The following INSIG1 variants were observed in gnomAD, a reference collection of about 807,000 sequenced individuals.
INSIG1 encodes insulin induced gene 1.
INSIG1 carries 14 observed loss-of-function variants against 26.5 expected under a neutral mutation model. The ratio of observed to expected loss-of-function variants is 0.53; its 90% confidence interval spans 0.35 to 0.83. The LOEUF (loss-of-function observed/expected upper bound fraction) is 0.83, where lower values mean the gene tolerates loss of function less well. Ranked by LOEUF, INSIG1 falls within the 40% of genes least tolerant of loss-of-function variation. The pLI is 0.01. For synonymous variants in INSIG1, 147 were observed against 153.3 expected, an observed-to-expected ratio of 0.96 and a Z score of 0.30; for missense variants, 272 against 368.9, an observed-to-expected ratio of 0.74 and a Z score of 2.15.
intron 2 of INSIG1, among the ~76,000 whole-genome samples, chr7:155,299,042 C>T (rs1797714667): frequency 1.3e-5 from 2 of 152,232 alleles, no homozygotes; most frequent in Non-Finnish European, 2.9e-5. Context: ...CCAGCCGCCC[C>T]GGATTGGCCG....
Position 155,302,992 on chromosome 7 carries a change from A to T in INSIG1, c.804+146A>T. ...CTGAGAAAAGCTTATATTTAAAAAA[A>T]TAGGTAATGATACCCAGGTAATTCT... On this transcript the variant is annotated intron_variant, in intron 5 of 5. Coordinates refer to ENST00000340368, the MANE Select transcript of INSIG1 (RefSeq NM_005542.6). This position sits in a 1 kb window ranked among gnomAD's most constrained non-coding sequence, Gnocchi z 4.3. 1 of 532,998 alleles carries T rather than the reference A, an allele frequency of 1.9e-6. No individual in the cohort carries two copies. Among genetic ancestry groups the T allele is most frequent in the Non-Finnish European group, 3.4e-6 (1 of 294,978 alleles). The allele number at this position is 532,998 out of a possible 1,614,324, so 33.0% of individuals were successfully genotyped here.
rs1797700263 is a variant in INSIG1, at chr7:155,298,647, C to G, written c.362C>G (p.Thr121Ser). 6.2e-7 allele frequency: 1 copy of G among 1,613,022 alleles called. No individual in the cohort carries two copies. The highest frequency in any genetic ancestry group is 8.5e-7 in the Non-Finnish European group (1 of 1,179,992). Residue 121 changes from threonine (T) to serine (S), a missense_variant, in exon 2 of 6, where the codon ACC becomes AGC. By Grantham distance (58) the Thr-to-Ser change is moderately conservative. This residue lies in a region of INSIG1 where 161 missense variants were observed against 179.2 expected (regional missense o/e 0.90). Transcript: ENST00000340368. ...CTCTTCCCCGAGGAGGTGATCGCCA[C>G]CATCTTTTCCTCCGCCTGGTGGGTC... ...VTLFPEEVIA[T>S]IFSSAWWVPP...
rs556072587 is a variant in INSIG1 at position 155,309,082 on chromosome 7, T to C, written c.*812T>C. The C allele has an allele frequency of 1.4e-4, 21 of 152,690 alleles. No homozygotes were observed. The highest frequency in any genetic ancestry group is 4.6e-4 in the African/African-American group (19 of 41,580). 9.5% of individuals were successfully genotyped at this position (152,690 alleles called of 1,614,324 possible). A position where few individuals can be genotyped will look rare whatever the true frequency, so the allele number is the denominator to read the frequency against. ...TATTTCAATCTTAGTGAGCCAAAAT[T>C]GTTTGTTTGTTACTACAGAATAGAG... On this transcript the variant is annotated 3_prime_UTR_variant, in exon 6 of 6. Coordinates refer to ENST00000340368, the MANE Select transcript of INSIG1 (RefSeq NM_005542.6).
At chr7:155,306,797 T>C (rs1322009172) in intron 5 of INSIG1, among the ~76,000 whole-genome samples, 2 of 150,156 alleles carry the variant, frequency 1.3e-5, no homozygotes, top group Non-Finnish European at 3.0e-5. Flanking sequence ...ACACTGCCCT[T>C]TCAACACATA....
At chr7:155,300,421 T>C (rs1797752439) in intron 2 of INSIG1, among the ~76,000 whole-genome samples, 1 of 150,646 alleles carries the variant, frequency 6.6e-6, no homozygotes, top group Non-Finnish European at 1.5e-5. Context: ...TGAAGTATAA[T>C]AAATTGAAAA....
intron 5 of INSIG1, chr7:155,303,959 G>T: frequency 2.0e-4 from 131 of 665,918 alleles, no homozygotes; most frequent in Non-Finnish European, 2.7e-4. Context: ...TGATGGAGAA[G>T]AAAGGACTTT....
At chr7:155,298,193 G>A in intron 1 of INSIG1, 66 bp from the exon 2 acceptor site, 1 of 1,290,690 alleles carries the variant, frequency 7.7e-7, no homozygotes, top group Non-Finnish European at 1.0e-6. Context: ...GCCGGGGTTC[G>A]CGTCCCGCGG....
intron 2 of INSIG1, among the ~76,000 whole-genome samples, chr7:155,300,857 G>C (rs1228974295): frequency 6.6e-6 from 1 of 152,192 alleles, no homozygotes; most frequent in Non-Finnish European, 1.5e-5. Context: ...TCTCTTCTTG[G>C]TCTGGTGTTC....
chr7:155,299,010 C>T (rs1797713368), intron 2 of INSIG1, among the ~76,000 whole-genome samples: 1 of 152,244 alleles, frequency 6.6e-6, no homozygotes, highest in African/African-American at 2.4e-5. Context: ...CGTCCGGGTA[C>T]AGCCCCAGCT....
At chr7:155,306,053 A>C (rs1258803464) in intron 5 of INSIG1, among the ~76,000 whole-genome samples, 1 of 152,190 alleles carries the variant, frequency 6.6e-6, no homozygotes, top group Non-Finnish European at 1.5e-5. Flanking sequence ...ACTAAAGTGC[A>C]GTGGCACAAT....
chr7:155,307,126 A>C (rs1403398726), intron 5 of INSIG1, among the ~76,000 whole-genome samples: 1 of 152,212 alleles, frequency 6.6e-6, no homozygotes, highest in South Asian at 2.1e-4. Flanking sequence ...CGCAGTTTGT[A>C]TAGAACCCTC....
At chr7:155,301,529 C>G in intron 2 of INSIG1, 37 bp from the exon 3 acceptor site, 1 of 1,567,972 alleles carries the variant, frequency 6.4e-7, no homozygotes, top group Non-Finnish European at 8.7e-7. Context: ...GAACTTGAAT[C>G]TGCTGTATTC....
chr7:155,303,459 C>T (rs1408279922), intron 5 of INSIG1, among the ~76,000 whole-genome samples: 1 of 152,194 alleles, frequency 6.6e-6, no homozygotes, highest in Non-Finnish European at 1.5e-5. Flanking sequence ...CACCGCTGCA[C>T]GTGGCCGGGT....
Position 155,310,005 on chromosome 7 carries a change from T to G in INSIG1, c.*1735T>G, listed in dbSNP as rs1798042246. 6.6e-6 allele frequency: 1 copy of G among 152,638 alleles called. No individual in the cohort carries two copies. The highest frequency in any genetic ancestry group is 2.1e-4 in the South Asian group (1 of 4,834). 9.5% of individuals were successfully genotyped at this position (152,638 alleles called of 1,614,324 possible). On this transcript the variant is annotated 3_prime_UTR_variant, in exon 6 of 6. Coordinates refer to ENST00000340368, the MANE Select transcript of INSIG1 (RefSeq NM_005542.6). ...CCGAAACCGGAAGTAAATCTATATC[T>G]GTTAGAAATAATGTAGCCAAAAGAA...
At chr7:155,303,779 T>A in intron 5 of INSIG1, 1 of 1,132,376 alleles carries the variant, frequency 8.8e-7, no homozygotes, top group Non-Finnish European at 1.2e-6. Flanking sequence ...AAAACTTATC[T>A]TAGTACCTCA....
At position 155,302,660 on chromosome 7, in the gene INSIG1, T is replaced by A; in HGVS notation, c.705-87T>A. 1.0e-6 allele frequency: 1 copy of A among 977,764 alleles called. No individual in the cohort carries two copies. Among genetic ancestry groups the A allele is most frequent in the Non-Finnish European group, 1.6e-6 (1 of 615,578 alleles). The allele number at this position is 977,764 out of a possible 1,614,324, so 60.6% of individuals were successfully genotyped here. Reference sequence around the variant, plus strand: ...AACATTGGATGGTTGATATGCGTTCTGCATATCCCCACTACAGAGAATCTG... The same window carrying A: ...AACATTGGATGGTTGATATGCGTTCAGCATATCCCCACTACAGAGAATCTG... On this transcript the variant is annotated intron_variant, in intron 4 of 5. Transcript: ENST00000340368. The surrounding 1 kb of genome is among the most constrained non-coding windows in gnomAD (Gnocchi z 4.3).
intron 5 of INSIG1, among the ~76,000 whole-genome samples, chr7:155,305,336 C>T (rs1368011434): frequency 1.3e-5 from 2 of 152,062 alleles, no homozygotes; most frequent in East Asian, 3.9e-4. Flanking sequence ...TTTGCAAACT[C>T]ATTTCTATCC....
At chr7:155,303,173 T>G (rs1797835821) in intron 5 of INSIG1, among the ~76,000 whole-genome samples, 1 of 152,242 alleles carries the variant, frequency 6.6e-6, no homozygotes, top group African/African-American at 2.4e-5. Flanking sequence ...TGTCCCCTCC[T>G]CCTTCACCAT....
chr7:155,298,526 C>A lies in INSIG1; in HGVS notation c.241C>A (p.His81Asn). ...EPGSPYPNTW[H>N]HRLLQRSLVL... ...CGGCAGCCCCTACCCCAACACCTGG[C>A]ATCATCGCCTGTTGCAGAGGAGCCT... The change falls in exon 2 of 6, where the codon CAT (histidine) becomes AAT (asparagine). Residue 81 changes from histidine (H) to asparagine (N), a missense_variant. Coordinates refer to ENST00000340368, the MANE Select transcript of INSIG1 (RefSeq NM_005542.6). 1 of 1,597,456 alleles carries A rather than the reference C, an allele frequency of 6.3e-7. No homozygotes were observed. The highest frequency in any genetic ancestry group is 8.5e-7 in the Non-Finnish European group (1 of 1,172,036).
Sources: gnomAD v4.1 joint callset for allele counts (sites outside exome capture counted in the v4.1 genomes callset) on GRCh38, gnomAD v4.1.1 for gene constraint, gnomAD v4.1.1 regional missense constraint, Gnocchi (gnomAD v3.1) non-coding constraint, MANE v1.5 for transcripts, NCBI Gene and HGNC (gene_info 2026-07-23, HGNC 2026-07-21) for gene names.